Variants in CCDC102B observed in about 807,000 individuals in gnomAD.
CCDC102B encodes coiled-coil domain containing 102B, also known as coiled-coil domain-containing protein 102B.
In CCDC102B, 75 loss-of-function variants were observed where a neutral mutation model predicts 57.4. That is an observed-to-expected ratio of 1.31 (90% CI 1.08 to 1.58). CCDC102B has a LOEUF of 1.58. CCDC102B is among the 40% of genes most tolerant of loss of function. The pLI, the probability that CCDC102B is intolerant of heterozygous loss-of-function variation, is 0.00. For synonymous variants in CCDC102B, 206 were observed against 201.9 expected, an observed-to-expected ratio of 1.02 and a Z score of -0.17; for missense variants, 636 against 582.6, an observed-to-expected ratio of 1.09 and a Z score of -0.94.
intron 6 of CCDC102B, among the ~76,000 whole-genome samples, chr18:68,947,041 G>A (rs1021245694): frequency 6.6e-6 from 1 of 151,862 alleles, no homozygotes; most frequent in South Asian, 2.1e-4. Context: ...AAATCACAGC[G>A]TTATATAGTC....
At chr18:68,739,214 T>A (rs1157990628) in intron 2 of CCDC102B, among the ~76,000 whole-genome samples, 2 of 152,190 alleles carry the variant, frequency 1.3e-5, no homozygotes, top group East Asian at 1.9e-4. Context: ...CAGGCTGGTC[T>A]CAAACTCCTG....
chr18:68,748,309 TC>T (rs1435930158), intron 2 of CCDC102B, among the ~76,000 whole-genome samples: 1 of 151,450 alleles, frequency 6.6e-6, no homozygotes, highest in Non-Finnish European at 1.5e-5. Context: ...TAACCCCTTG[TC>T]TGACTGCCTG....
chr18:68,880,337 C>A (rs1483030528), intron 5 of CCDC102B, among the ~76,000 whole-genome samples: 1 of 152,206 alleles, frequency 6.6e-6, no homozygotes, highest in Non-Finnish European at 1.5e-5. Flanking sequence ...AGCTGGCCCG[C>A]AAGCACCGCG....
At chr18:68,855,801 A>T (rs1346283044) in intron 4 of CCDC102B, among the ~76,000 whole-genome samples, 1 of 143,834 alleles carries the variant, frequency 7.0e-6, no homozygotes, top group Non-Finnish European at 1.6e-5. Flanking sequence ...TAAAGAACAT[A>T]TACATGATGT....
At chr18:68,757,612 A>G (rs1364051031) in intron 2 of CCDC102B, among the ~76,000 whole-genome samples, 1 of 152,134 alleles carries the variant, frequency 6.6e-6, no homozygotes, top group Non-Finnish European at 1.5e-5. Flanking sequence ...GCCAGATATT[A>G]TTTCCCTTTT....
chr18:68,997,574 G>A (rs762636477), intron 6 of CCDC102B, among the ~76,000 whole-genome samples: 1 of 151,864 alleles, frequency 6.6e-6, no homozygotes, highest in Admixed American at 6.6e-5. Context: ...ATGGAATTCC[G>A]GATTTCAGTG....
At chr18:68,952,391 T>A (rs1283427232) in intron 6 of CCDC102B, among the ~76,000 whole-genome samples, 4 of 152,096 alleles carry the variant, frequency 2.6e-5, no homozygotes, top group Admixed American at 6.6e-5. Flanking sequence ...GTTTAGCTTT[T>A]AGAGAGATGT....
chr18:68,970,046 T>C (rs987445174), intron 6 of CCDC102B, among the ~76,000 whole-genome samples: 5 of 152,090 alleles, frequency 3.3e-5, no homozygotes, highest in African/African-American at 1.2e-4. Context: ...GTTTTCCTTA[T>C]TGAATTTGAG....
intron 1 of CCDC102B, among the ~76,000 whole-genome samples, chr18:68,810,692 T>G (rs1229148680): frequency 3.5e-5 from 5 of 142,536 alleles, no homozygotes; most frequent in African/African-American, 8.1e-5. Context: ...TTTTTTTTTT[T>G]TTTTTTTTTT....
chr18:68,981,836 C>A (rs1476596627), intron 6 of CCDC102B, among the ~76,000 whole-genome samples: 2 of 151,804 alleles, frequency 1.3e-5, no homozygotes, highest in South Asian at 4.2e-4. Context: ...TGACAACAGG[C>A]GGTGTTGGGT....
At chr18:68,853,533 AC>A (rs1241947370) in intron 4 of CCDC102B, among the ~76,000 whole-genome samples, 2 of 151,784 alleles carry the variant, frequency 1.3e-5, no homozygotes, top group Non-Finnish European at 2.9e-5. Flanking sequence ...TATTACTAGA[AC>A]TTTTATTATG....
At chr18:68,887,389 T>A (rs913331035) in intron 5 of CCDC102B, among the ~76,000 whole-genome samples, 2 of 152,144 alleles carry the variant, frequency 1.3e-5, no homozygotes, top group Non-Finnish European at 2.9e-5. Flanking sequence ...GAAACTAAAT[T>A]TCAAACAACA....
At chr18:68,808,512 C>T (rs2036120025) in intron 1 of CCDC102B, among the ~76,000 whole-genome samples, 1 of 117,952 alleles carries the variant, frequency 8.5e-6, no homozygotes, top group Non-Finnish European at 1.6e-5. Context: ...GAGTCTCGCT[C>T]TTTCGGCCAG....
At chr18:68,811,670 G>T (rs1297407913) in intron 1 of CCDC102B, among the ~76,000 whole-genome samples, 3 of 152,044 alleles carry the variant, frequency 2.0e-5, no homozygotes, top group African/African-American at 7.2e-5. Context: ...AGGCAGAAGG[G>T]TCTTTAAGAA....
intron 7 of CCDC102B, among the ~76,000 whole-genome samples, chr18:69,051,734 T>A (rs1197286722): frequency 6.6e-6 from 1 of 151,996 alleles, no homozygotes; most frequent in Non-Finnish European, 1.5e-5. Context: ...ACATCATATA[T>A]ACAGAATTTT....
At chr18:68,955,729 T>C (rs370645298) in intron 6 of CCDC102B, among the ~76,000 whole-genome samples, 1 of 152,076 alleles carries the variant, frequency 6.6e-6, no homozygotes, top group East Asian at 1.9e-4. Flanking sequence ...TTATAATTTA[T>C]GTATGATAAA....
At chr18:69,043,789 T>A (rs185192025) in intron 7 of CCDC102B, among the ~76,000 whole-genome samples, 1 of 152,096 alleles carries the variant, frequency 6.6e-6, no homozygotes, top group Non-Finnish European at 1.5e-5. Context: ...ACAGACACAG[T>A]AACAATCTGA....
chr18:69,053,991 A>G, intron 7 of CCDC102B, 39 bp from the exon 8 acceptor site: 1 of 1,529,524 alleles, frequency 6.5e-7, no homozygotes, highest in Non-Finnish European at 8.9e-7. Flanking sequence ...ACTATAGAAC[A>G]CTTGAACCTA....
chr18:69,014,958 T>TGAGAGA (rs748203787), intron 7 of CCDC102B, among the ~76,000 whole-genome samples: 84 of 114,638 alleles, frequency 7.3e-4, no homozygotes, highest in African/African-American at 2.4e-3. Flanking sequence ...TGTATGTGAA[T>TGAGAGA]GAGAGAGAGA....
Sources: allele counts gnomAD v4.1 joint callset (sites outside exome capture counted in the v4.1 genomes callset), GRCh38; gene constraint gnomAD v4.1.1; transcripts MANE v1.5; gene names NCBI Gene and HGNC (gene_info 2026-07-23, HGNC 2026-07-21).